The following SCN8A variants were observed in gnomAD, a reference collection of about 807,000 sequenced individuals.
SCN8A encodes the protein sodium channel protein type 8 subunit alpha.
SCN8A carries 30 observed loss-of-function variants against 184.1 expected under a neutral mutation model. The ratio of observed to expected loss-of-function variants is 0.16; its 90% CI spans 0.12 to 0.22. The LOEUF is 0.22. Among genes scored for constraint, SCN8A ranks in the 10% least tolerant of loss-of-function variants. The pLI is 1.00. For synonymous variants in SCN8A, 852 were observed against 907.0 expected, an observed-to-expected ratio of 0.94 and a Z score of 1.09; for missense variants, 1,057 against 2,498.9, an observed-to-expected ratio of 0.42 and a Z score of 12.30.
chr12:51,694,734 T>C (rs1208606422), intron 6 of SCN8A, among the ~76,000 whole-genome samples: 2 of 152,136 alleles, frequency 1.3e-5, no homozygotes, highest in Non-Finnish European at 2.9e-5. Context: ...AAAGACAGTG[T>C]CTCTGTATAG....
At chr12:51,756,797 C>A (rs1327763734) in intron 14 of SCN8A, among the ~76,000 whole-genome samples, 1 of 152,160 alleles carries the variant, frequency 6.6e-6, no homozygotes, top group East Asian at 1.9e-4. Context: ...ACCGGCATGC[C>A]CACCTACAGC....
intron 11 of SCN8A, among the ~76,000 whole-genome samples, chr12:51,718,843 C>G (rs1220876966): frequency 1.3e-5 from 2 of 151,972 alleles, no homozygotes; most frequent in Non-Finnish European, 2.9e-5. Context: ...TGAGAATAAC[C>G]CACATAATTA....
intron 1 of SCN8A, among the ~76,000 whole-genome samples, chr12:51,605,540 T>G (rs574402180): frequency 6.6e-6 from 1 of 152,256 alleles, no homozygotes; most frequent in Non-Finnish European, 1.5e-5. Context: ...TTGTGAATTG[T>G]GCTGCTATAA....
At chr12:51,615,260 G>C (rs961716772) in intron 1 of SCN8A, among the ~76,000 whole-genome samples, 1 of 152,080 alleles carries the variant, frequency 6.6e-6, no homozygotes, top group African/African-American at 2.4e-5. Context: ...GTGGAATATA[G>C]AAATGTTAGT....
chr12:51,654,232 A>G (rs911675164), intron 1 of SCN8A, among the ~76,000 whole-genome samples: 4 of 152,032 alleles, frequency 2.6e-5, no homozygotes, highest in East Asian at 1.9e-4. Context: ...TTTATTGCCT[A>G]TGCTTTTGGT....
chr12:51,663,329 A>G (rs977148308), intron 2 of SCN8A, among the ~76,000 whole-genome samples: 8 of 152,156 alleles, frequency 5.3e-5, no homozygotes, highest in African/African-American at 1.7e-4. Context: ...GCCAGATCAG[A>G]AAAAGGGGAT....
At chr12:51,781,237 T>C (rs1029229608) in intron 21 of SCN8A, among the ~76,000 whole-genome samples, 4 of 152,130 alleles carry the variant, frequency 2.6e-5, no homozygotes, top group African/African-American at 7.2e-5. Flanking sequence ...CTTGAAGATA[T>C]GACGGCAGGC....
chr12:51,728,907 C>G (rs560298027), intron 12 of SCN8A, among the ~76,000 whole-genome samples: 2 of 152,216 alleles, frequency 1.3e-5, no homozygotes, highest in Non-Finnish European at 2.9e-5. Context: ...TACAGCTTCC[C>G]CATGCCAACA....
intron 21 of SCN8A, among the ~76,000 whole-genome samples, chr12:51,782,860 C>T (rs949577999): frequency 2.0e-5 from 3 of 152,292 alleles, no homozygotes; most frequent in Non-Finnish European, 4.4e-5. Flanking sequence ...TAAAAACTTT[C>T]ATTTGTCAAC....
At chr12:51,639,439 G>A (rs1940392593) in intron 1 of SCN8A, among the ~76,000 whole-genome samples, 1 of 152,024 alleles carries the variant, frequency 6.6e-6, no homozygotes, top group Admixed American at 6.6e-5. Flanking sequence ...TTAAGAGACA[G>A]GGTCTTGCTC....
At position 51,762,655 on chromosome 12, in the gene SCN8A, A is replaced by C. The variant is rs1219407535; in HGVS notation, c.2523A>C (p.Ser841=). Residue 841 remains serine, a synonymous_variant, in exon 15 of 27, where the codon TCA becomes TCC. Coordinates refer to ENST00000627620, the MANE Select transcript of SCN8A (RefSeq NM_001330260.2). ...ELSLADVEGL[S]VLRSFRLLRV... is the part of the protein sequence containing the mutation. ...GTCTAGCAGACGTGGAGGGGCTTTC[A>C]GTGCTGCGATCTTTCCGATTGGTAT... 4 of 1,596,526 alleles carry C rather than the reference A, an allele frequency of 2.5e-6. No homozygotes were observed. Among genetic ancestry groups the C allele is most frequent in the Non-Finnish European group, 3.4e-6 (4 of 1,175,410 alleles).
In SCN8A at chr12:51,634,650, A is replaced by G. The variant is rs1389987648; in HGVS notation, c.-54-28114A>G. On this transcript the variant is annotated intron_variant, in intron 1 of 26. Transcript: ENST00000627620. Reference sequence around the variant, plus strand: ...TGAAATACGTATTATTATTATTATTATTATTATTTTTTTTTTTTGAGACTG... The same window carrying G: ...TGAAATACGTATTATTATTATTATTGTTATTATTTTTTTTTTTTGAGACTG... 2.4e-4 allele frequency among the ~76,000 whole-genome samples: 13 copies of G among 55,270 alleles called. No individual in the cohort carries two copies. In the Admixed American group the frequency reaches 3.2e-3, roughly 14 times the overall value. The allele number at this position is 55,270 out of a possible 152,430, so 36.3% of individuals were successfully genotyped here.
At chr12:51,675,835 C>T (rs1311949850) in intron 2 of SCN8A, among the ~76,000 whole-genome samples, 1 of 152,122 alleles carries the variant, frequency 6.6e-6, no homozygotes, top group African/African-American at 2.4e-5. Context: ...GTTACTTAAC[C>T]TCCTGCCTCA....
In SCN8A at chr12:51,794,611, G is replaced by A. The variant is rs778548854; in HGVS notation, c.4765G>A (p.Asp1589Asn). 1.2e-6 allele frequency: 2 copies of A among 1,613,894 alleles called. No individual in the cohort carries two copies. Among genetic ancestry groups the A allele is most frequent in the South Asian group, 1.1e-5 (1 of 91,038 alleles). Residue 1589 changes from aspartate to asparagine, a missense_variant, in exon 26 of 27, where the codon GAC becomes AAC. Transcript: ENST00000627620. ...YYFTIGWNIF[D>N]FVVVILSIVG... ...CTTCACCATTGGCTGGAACATCTTCGACTTCGTGGTAGTCATCCTCTCCAT... is the reference window on the plus strand; with the variant it reads ...CTTCACCATTGGCTGGAACATCTTCAACTTCGTGGTAGTCATCCTCTCCAT...
chr12:51,615,895 GA>G (rs993028784), intron 1 of SCN8A, among the ~76,000 whole-genome samples: 10 of 151,538 alleles, frequency 6.6e-5, no homozygotes, highest in Non-Finnish European at 1.5e-5. Flanking sequence ...CTAATTTAAA[GA>G]AAAAATTTTT....
At chr12:51,801,658 A>G (rs563620744) in intron 26 of SCN8A, among the ~76,000 whole-genome samples, 2 of 152,362 alleles carry the variant, frequency 1.3e-5, no homozygotes, top group East Asian at 1.9e-4. Context: ...GCCCATATCA[A>G]TAAATTCAAC....
At chr12:51,695,064 A>G (rs1565889621) in intron 6 of SCN8A, among the ~76,000 whole-genome samples, 1 of 152,232 alleles carries the variant, frequency 6.6e-6, no homozygotes, top group Non-Finnish European at 1.5e-5. Flanking sequence ...ACCTGAAAAC[A>G]TGAAGCCGCA....
At chr12:51,637,923 A>G (rs555109251) in intron 1 of SCN8A, among the ~76,000 whole-genome samples, 15 of 152,306 alleles carry the variant, frequency 9.8e-5, no homozygotes, top group Middle Eastern at 3.4e-3. Flanking sequence ...CAGAGTTTCA[A>G]AGGACAGGCT....
intron 2 of SCN8A, among the ~76,000 whole-genome samples, chr12:51,673,345 G>A (rs191844753): frequency 3.9e-5 from 6 of 152,286 alleles, no homozygotes; most frequent in African/African-American, 1.2e-4. Flanking sequence ...GAGCATCTGT[G>A]GATTTTGGTA....
Sources: allele counts gnomAD v4.1 joint callset (sites outside exome capture counted in the v4.1 genomes callset), GRCh38; gene constraint gnomAD v4.1.1; transcripts MANE v1.5; gene names NCBI Gene and HGNC (gene_info 2026-07-23, HGNC 2026-07-21).